Variants in PPP1R18 observed in about 807,000 individuals in gnomAD.
PPP1R18 encodes protein phosphatase 1 regulatory subunit 18, also known as phostensin.
PPP1R18 carries 31 observed loss-of-function variants against 54.8 expected under a neutral mutation model. The observed-to-expected ratio is 0.57, with a 90% CI of 0.43 to 0.76. The LOEUF (loss-of-function observed/expected upper bound fraction) is 0.76, where lower values mean the gene tolerates loss of function less well. PPP1R18 is among the 30% of genes least tolerant of loss of function. PPP1R18 has a pLI of 0.00. For synonymous variants in PPP1R18, 310 were observed against 320.2 expected, an observed-to-expected ratio of 0.97 and a Z score of 0.34; for missense variants, 685 against 776.1, an observed-to-expected ratio of 0.88 and a Z score of 1.39.
rs2127613496 is a variant in PPP1R18, at chr6:30,684,722, G to C, written c.1297C>G (p.Pro433Ala). The change falls in exon 1 of 3, where the codon CCC becomes GCC. Residue 433 changes from proline (P) to alanine (A), a missense_variant. Physicochemically the swap from Pro to Ala is conservative, Grantham distance 27. Coordinates refer to ENST00000274853, the MANE Select transcript of PPP1R18 (RefSeq NM_133471.4). The surrounding 1 kb of genome is among the most constrained non-coding windows in gnomAD (Gnocchi z 6.0). ...GGGGCAGTTGGGGCTGGGGGTGGGG[G>C]AGACAGAGGGGCTGGTGGTGGGGGC... ...LQPPPPAPLS[P>A]PPPAPTAPQP... is the part of the protein sequence containing the mutation. 1 of 1,512,080 alleles carries C rather than the reference G, an allele frequency of 6.6e-7. No homozygotes were observed. Among genetic ancestry groups the C allele is most frequent in the Non-Finnish European group, 8.9e-7 (1 of 1,124,562 alleles). 93.7% of individuals were successfully genotyped at this position (1,512,080 alleles called of 1,614,324 possible). A position where few individuals can be genotyped will look rare whatever the true frequency, so the allele number is the denominator to read the frequency against.
chr6:30,681,802 A>C (rs1233547662), intron 1 of PPP1R18, among the ~76,000 whole-genome samples: 2 of 152,100 alleles, frequency 1.3e-5, no homozygotes, highest in African/African-American at 4.8e-5. Context: ...AGGAGCTTAG[A>C]AGTTGGTACA....
At chr6:30,682,988 C>G (rs746162139) in intron 1 of PPP1R18, among the ~76,000 whole-genome samples, 1 of 152,236 alleles carries the variant, frequency 6.6e-6, no homozygotes, top group Non-Finnish European at 1.5e-5. Context: ...ATCTGCCCAG[C>G]CCTGAGGGGA....
At chr6:30,679,659 C>T (rs1278872515) in intron 1 of PPP1R18, among the ~76,000 whole-genome samples, 1 of 152,244 alleles carries the variant, frequency 6.6e-6, no homozygotes, top group Non-Finnish European at 1.5e-5. Flanking sequence ...TTGCCCTGTA[C>T]GTTGGCAGGG....
chr6:30,679,255 G>A lies in PPP1R18; in HGVS notation c.1746C>T (p.Asp582=). Residue 582 remains aspartate (D), a synonymous_variant, in exon 2 of 3, where the codon GAC becomes GAT. Coordinates refer to ENST00000274853, the MANE Select transcript of PPP1R18 (RefSeq NM_133471.4). ...GCAGCAGCTCTTCCTCATCCTCTTCGTCGTCGGGTTGGGCTGCTGGAGGGT... is the reference window on the plus strand; with the variant it reads ...GCAGCAGCTCTTCCTCATCCTCTTCATCGTCGGGTTGGGCTGCTGGAGGGT... ...APNPPAAQPD[D]EEDEEELLLL... is the part of the protein sequence containing the mutation. 2 of 1,570,106 alleles carry A rather than the reference G, an allele frequency of 1.3e-6. No homozygotes were observed. The highest frequency in any genetic ancestry group is 1.7e-6 in the Non-Finnish European group (2 of 1,158,002).
At chr6:30,679,421 A>C in intron 1 of PPP1R18, 32 bp from the exon 2 acceptor site, 1 of 1,295,120 alleles carries the variant, frequency 7.7e-7, no homozygotes. Context: ...GGCAGGAGGC[A>C]AGGTCAGCAG....
In PPP1R18 at chr6:30,676,841, AAGG is replaced by A. The variant is rs1770212293; in HGVS notation, c.*425_*427del. 3.5e-6 allele frequency: 1 copy of A among 287,478 alleles called. No homozygotes were observed. The highest frequency in any genetic ancestry group is 2.3e-5 in the African/African-American group (1 of 43,072). The allele number at this position is 287,478 out of a possible 1,614,324, so 17.8% of individuals were successfully genotyped here. ...CAAAGGGGCAGTGACCTAGGAAATG[AAGG>A]AGATGTGCCTATAAATGGAGTGGGG... On this transcript the variant is annotated 3_prime_UTR_variant, in exon 3 of 3. Transcript: ENST00000274853.
chr6:30,679,328 G>C lies in PPP1R18; in HGVS notation c.1673C>G (p.Ser558Trp). ...ETTYQYPSES[S>W]VLEELGPEPE... ...CTCCGGGCCCAGCTCCTCCAGTACC[G>C]AACTCTCGGAGGGGTATTGGTACGT... Residue 558 changes from serine (S) to tryptophan (W), a missense_variant, in exon 2 of 3, where the codon TCG becomes TGG. Transcript: ENST00000274853. 1 of 1,554,580 alleles carries C rather than the reference G, an allele frequency of 6.4e-7. No homozygotes were observed. Among genetic ancestry groups the C allele is most frequent in the South Asian group, 1.2e-5 (1 of 83,900 alleles).
At chr6:30,682,449 G>A (rs1468670309) in intron 1 of PPP1R18, among the ~76,000 whole-genome samples, 1 of 152,156 alleles carries the variant, frequency 6.6e-6, no homozygotes, top group Non-Finnish European at 1.5e-5. Context: ...AAGGTGAAGC[G>A]GGGGTTGGTG....
chr6:30,685,869 C>G lies in PPP1R18; in HGVS notation c.150G>C (p.Lys50Asn). 1 of 1,611,960 alleles carries G rather than the reference C, an allele frequency of 6.2e-7. No homozygotes were observed. Among genetic ancestry groups the G allele is most frequent in the Non-Finnish European group, 8.5e-7 (1 of 1,180,026 alleles). ...TAGGCTCCCCAGGGGACAGCCCAAG[C>G]TTGGCCCGGCGGCGCTCCAGGAGCC... The part of the protein sequence containing the change: ...KRGLLERRRA[K>N]LGLSPGEPSP... Residue 50 changes from lysine (K) to asparagine (N), a missense_variant, in exon 1 of 3, where the codon AAG (lysine) becomes AAC (asparagine). Lys to Asn is a moderately conservative substitution (Grantham distance 94). Coordinates refer to ENST00000274853, the MANE Select transcript of PPP1R18 (RefSeq NM_133471.4). The surrounding 1 kb of genome is among the most constrained non-coding windows in gnomAD (Gnocchi z 5.0).
In PPP1R18 at chr6:30,677,437, A is replaced by G; in HGVS notation, c.1823-149T>C. On this transcript the variant is annotated intron_variant, in intron 2 of 2. Coordinates refer to ENST00000274853, the MANE Select transcript of PPP1R18 (RefSeq NM_133471.4). ...CTAAAGCATGTTACCACCAGTAACC[A>G]CATCCATCACTCATTTAGCTCGGAC... 3 of 627,586 alleles carry G rather than the reference A, an allele frequency of 4.8e-6. No homozygotes were observed. The East Asian group carries it at 8.8e-5, about 18-fold the overall frequency. 38.9% of individuals were successfully genotyped at this position (627,586 alleles called of 1,614,324 possible).
At chr6:30,678,004 G>C (rs565977742) in intron 2 of PPP1R18, among the ~76,000 whole-genome samples, 2 of 150,854 alleles carry the variant, frequency 1.3e-5, no homozygotes, top group Non-Finnish European at 3.0e-5. Flanking sequence ...TCTGCTTCCC[G>C]GGTTCAAGTG....
intron 2 of PPP1R18, among the ~76,000 whole-genome samples, chr6:30,678,580 G>T (rs921622396): frequency 6.6e-6 from 1 of 151,616 alleles, no homozygotes; most frequent in Non-Finnish European, 1.5e-5. Flanking sequence ...GGGTTTCACC[G>T]TGTTAGCCAG....
At chr6:30,678,537 A>G (rs966530259) in intron 2 of PPP1R18, among the ~76,000 whole-genome samples, 25 of 151,856 alleles carry the variant, frequency 1.6e-4, no homozygotes, top group Middle Eastern at 3.4e-3. Context: ...CACCACGCCC[A>G]GCTAATTTTT....
chr6:30,679,392 G>C lies in PPP1R18; in HGVS notation c.1612-3C>G. The C allele has an allele frequency of 6.4e-7, 1 of 1,573,944 alleles. No homozygotes were observed. The highest frequency in any genetic ancestry group is 8.6e-7 in the Non-Finnish European group (1 of 1,160,502). On this transcript the variant is annotated splice_region_variant and splice_polypyrimidine_tract_variant and intron_variant, in intron 1 of 2. Coordinates refer to ENST00000274853, the MANE Select transcript of PPP1R18 (RefSeq NM_133471.4). ...GTCTCGCTGAAGGAGATCTTAAGCT[G>C]AAGGAGGGAGAAAAAGGGGGCAGGA...
At chr6:30,677,847 AAAATAAATAAAT>A (rs10632278) in intron 2 of PPP1R18, among the ~76,000 whole-genome samples, 1 of 151,572 alleles carries the variant, frequency 6.6e-6, no homozygotes, top group African/African-American at 2.4e-5. Flanking sequence ...ACGCTGTCTC[AAAATAAATAAAT>A]AAATAAATAA....
chr6:30,679,280 T>C lies in PPP1R18; in HGVS notation c.1721A>G (p.Asn574Ser), dbSNP rs1349878715. 1.3e-6 allele frequency: 2 copies of C among 1,557,182 alleles called. No homozygotes were observed. Among genetic ancestry groups the C allele is most frequent in the African/African-American group, 2.8e-5 (2 of 71,728 alleles). ...GPEPEVPSAPNPPAAQPDDEE... is the reference protein window; with the variant it reads ...GPEPEVPSAPSPPAAQPDDEE... ...GTCGTCGGGTTGGGCTGCTGGAGGGTTGGGGGCACTGGGGACCTCAGGCTC... is the reference window on the plus strand; with the variant it reads ...GTCGTCGGGTTGGGCTGCTGGAGGGCTGGGGGCACTGGGGACCTCAGGCTC... The change falls in exon 2 of 3, where the codon AAC becomes AGC. Residue 574 changes from asparagine (N) to serine (S), a missense_variant. Asn to Ser is a conservative substitution (Grantham distance 46). Coordinates refer to ENST00000274853, the MANE Select transcript of PPP1R18 (RefSeq NM_133471.4).
intron 1 of PPP1R18, among the ~76,000 whole-genome samples, chr6:30,682,628 G>A (rs1285288682): frequency 1.3e-5 from 2 of 148,982 alleles, no homozygotes; most frequent in Non-Finnish European, 3.0e-5. Flanking sequence ...CCCAAGCAGC[G>A]GCTGCTTCCT....
chr6:30,683,217 T>C lies in PPP1R18; in HGVS notation c.1611+1191A>G, dbSNP rs1439726756. 6.6e-6 allele frequency among the ~76,000 whole-genome samples: 1 copy of C among 152,228 alleles called. No individual in the cohort carries two copies. Among genetic ancestry groups the C allele is most frequent in the Non-Finnish European group, 1.5e-5 (1 of 68,036 alleles). On this transcript the variant is annotated intron_variant, in intron 1 of 2. Transcript: ENST00000274853. This position sits in a 1 kb window ranked among gnomAD's most constrained non-coding sequence, Gnocchi z 5.1. ...TTAACACATGGGATGAGAATGAGAC[T>C]GGGCTTCCCAGGCTCTGGGGAGATG...
At position 30,683,383 on chromosome 6, in the gene PPP1R18, C is replaced by T. The variant is rs1288313786; in HGVS notation, c.1611+1025G>A. Among the ~76,000 whole-genome samples, 1 of 152,148 alleles carries T rather than the reference C, an allele frequency of 6.6e-6. No homozygotes were observed. Among genetic ancestry groups the T allele is most frequent in the Non-Finnish European group, 1.5e-5 (1 of 68,012 alleles). ...GCCAGGGGGAGTCATCCTGGCTGCC[C>T]CCACTTTCCTGCAGGTCTTTGTTGC... On this transcript the variant is annotated intron_variant, in intron 1 of 2. Transcript: ENST00000274853. The surrounding 1 kb of genome is among the most constrained non-coding windows in gnomAD (Gnocchi z 5.1).
Sources: allele counts gnomAD v4.1 joint callset (sites outside exome capture counted in the v4.1 genomes callset), GRCh38; gene constraint gnomAD v4.1.1; non-coding constraint Gnocchi (gnomAD v3.1); transcripts MANE v1.5; gene names NCBI Gene and HGNC (gene_info 2026-07-23, HGNC 2026-07-21).